NFKB1: variants seen among roughly 807,000 people sequenced by gnomAD.
NFKB1 encodes nuclear factor NF-kappa-B p105 subunit.
NFKB1 carries 9 observed loss-of-function variants against 105.1 expected under a neutral mutation model. That is an observed-to-expected ratio of 0.09 (90% confidence interval 0.05 to 0.15). NFKB1 has a LOEUF of 0.15. Among genes scored for constraint, NFKB1 ranks in the 10% least tolerant of loss-of-function variants. The probability of loss-of-function intolerance (pLI) is 1.00; values close to 1 mark genes in which losing one functional copy is unlikely to be tolerated. For missense variants in NFKB1, 830 were observed against 1,203.7 expected, an observed-to-expected ratio of 0.69 and a Z score of 4.59; for synonymous variants, 440 against 442.2, an observed-to-expected ratio of 1.00 and a Z score of 0.06.
chr4:102,536,698 C>A (rs377527440), intron 4 of NFKB1, among the ~76,000 whole-genome samples: 10 of 151,998 alleles, frequency 6.6e-5, no homozygotes, highest in African/African-American at 2.4e-4. Context: ...GGGAGTGAAC[C>A]CCCACCAGCA....
intron 11 of NFKB1, among the ~76,000 whole-genome samples, chr4:102,590,313 T>C (rs1726065667): frequency 6.6e-6 from 1 of 152,248 alleles, no homozygotes; most frequent in Non-Finnish European, 1.5e-5. Context: ...AAGTTCATTC[T>C]CCGGGTGCTC....
chr4:102,516,353 CT>C (rs1338648502), intron 1 of NFKB1, among the ~76,000 whole-genome samples: 1 of 151,826 alleles, frequency 6.6e-6, no homozygotes, highest in Non-Finnish European at 1.5e-5. Context: ...TTTTTTCTGT[CT>C]TTTTTCTGTT....
At chr4:102,567,682 G>A (rs1297094217) in intron 6 of NFKB1, among the ~76,000 whole-genome samples, 2 of 152,124 alleles carry the variant, frequency 1.3e-5, no homozygotes, top group Non-Finnish European at 2.9e-5. Context: ...CATTCATTAG[G>A]CTTGAAATGT....
chr4:102,601,780 T>C (rs1727167593), intron 16 of NFKB1, among the ~76,000 whole-genome samples: 1 of 152,188 alleles, frequency 6.6e-6, no homozygotes, highest in South Asian at 2.1e-4. Context: ...AGCCAGCCTT[T>C]CTGGCTGAGC....
Position 102,515,109 on chromosome 4 carries a change from T to TA in NFKB1, c.-7-10403_-7-10402insA, listed in dbSNP as rs1461917638. Reference sequence around the variant, plus strand: ...CATGTAATATTATTATTATTATTATTTTTTTTTTTTTTTTTTTTTGAGACG... The same window carrying TA: ...CATGTAATATTATTATTATTATTATTATTTTTTTTTTTTTTTTTTTGAGACG... On this transcript the variant is annotated intron_variant, in intron 1 of 23. Coordinates refer to ENST00000226574, the MANE Select transcript of NFKB1 (RefSeq NM_003998.4). Among the ~76,000 whole-genome samples, 474 of 91,568 alleles carry TA rather than the reference T, an allele frequency of 5.2e-3. 2 individuals are homozygous for TA. The highest frequency in any genetic ancestry group is 0.026 in the African/African-American group (437 of 16,768). The allele number at this position is 91,568 out of a possible 152,430, so 60.1% of individuals were successfully genotyped here. A position where few individuals can be genotyped will look rare whatever the true frequency, so the allele number is the denominator to read the frequency against.
At chr4:102,552,204 A>G (rs1441022558) in intron 5 of NFKB1, among the ~76,000 whole-genome samples, 1 of 152,204 alleles carries the variant, frequency 6.6e-6, no homozygotes, top group Non-Finnish European at 1.5e-5. Context: ...CAGAATGGTG[A>G]GAGAACTCAA....
chr4:102,547,758 A>G (rs920384289), intron 5 of NFKB1, among the ~76,000 whole-genome samples: 8 of 152,200 alleles, frequency 5.3e-5, no homozygotes, highest in Admixed American at 5.2e-4. Flanking sequence ...TCACCAGTCT[A>G]TTAATTTATT....
chr4:102,573,097 T>C (rs921573018), intron 6 of NFKB1, among the ~76,000 whole-genome samples: 1 of 151,982 alleles, frequency 6.6e-6, no homozygotes, highest in African/African-American at 2.4e-5. Context: ...TCACCTGAGG[T>C]CAGGAGTTCA....
rs374117917 is a variant in NFKB1 at position 102,567,159 on chromosome 4, T to C, written c.407+24T>C. On this transcript the variant is annotated intron_variant, in intron 6 of 23. Transcript: ENST00000226574. Reference sequence around the variant, plus strand: ...GGGTAAGTAGGGGTATATGATGCTGTGGAAGGTAGGAACAGATAGAATATG... The same window carrying C: ...GGGTAAGTAGGGGTATATGATGCTGCGGAAGGTAGGAACAGATAGAATATG... 8 of 1,609,812 alleles carry C rather than the reference T, an allele frequency of 5.0e-6. No individual in the cohort carries two copies. In the African/African-American group the frequency reaches 1.1e-4, roughly 21 times the overall value.
In NFKB1 at chr4:102,566,992, C is replaced by T. The variant is rs1443388408; in HGVS notation, c.264C>T (p.Cys88=). ...GGAATGTGCTTCTTATATAGATCTG[C>T]AACTATGTGGGACCAGCAAAGGTTA... ...NKKSYPQVKI[C]NYVGPAKVIV... is the part of the protein sequence containing the mutation. The change falls in exon 6 of 24, where the codon TGC becomes TGT. Residue 88 remains cysteine (C), a synonymous_variant. Coordinates refer to ENST00000226574, the MANE Select transcript of NFKB1 (RefSeq NM_003998.4). The T allele has an allele frequency of 1.9e-6, 3 of 1,613,700 alleles. No individual in the cohort carries two copies. The highest frequency in any genetic ancestry group is 4.5e-5 in the East Asian group (2 of 44,894).
At chr4:102,518,535 C>G (rs904764715) in intron 1 of NFKB1, among the ~76,000 whole-genome samples, 1 of 152,032 alleles carries the variant, frequency 6.6e-6, no homozygotes, top group Non-Finnish European at 1.5e-5. Flanking sequence ...ATTGTTTTTG[C>G]CTATTTGCCT....
At chr4:102,552,659 A>G (rs1488557408) in intron 5 of NFKB1, among the ~76,000 whole-genome samples, 1 of 152,210 alleles carries the variant, frequency 6.6e-6, no homozygotes, top group Non-Finnish European at 1.5e-5. Context: ...AATAATAGAA[A>G]TTAATAGCTT....
At chr4:102,574,884 C>A (rs890334031) in intron 6 of NFKB1, among the ~76,000 whole-genome samples, 12 of 152,114 alleles carry the variant, frequency 7.9e-5, no homozygotes, top group African/African-American at 2.9e-4. Flanking sequence ...GTTTTTCTCA[C>A]AGGGACTAGA....
chr4:102,505,821 A>G (rs1040021212), intron 1 of NFKB1, among the ~76,000 whole-genome samples: 1 of 152,216 alleles, frequency 6.6e-6, no homozygotes, highest in Non-Finnish European at 1.5e-5. Flanking sequence ...ACTTGTTGGT[A>G]CATAGTAAGC....
intron 1 of NFKB1, among the ~76,000 whole-genome samples, chr4:102,503,053 T>A (rs912387713): frequency 1.3e-5 from 2 of 152,252 alleles, no homozygotes; most frequent in Non-Finnish European, 2.9e-5. Context: ...GTTGTTTTTC[T>A]GATTTTAATA....
chr4:102,615,544 T>C (rs1728872627), intron 23 of NFKB1, among the ~76,000 whole-genome samples: 2 of 152,142 alleles, frequency 1.3e-5, no homozygotes, highest in African/African-American at 4.8e-5. Context: ...ATCTCCTGAG[T>C]CACAGCCCAG....
At chr4:102,523,269 T>C (rs1053427856) in intron 1 of NFKB1, among the ~76,000 whole-genome samples, 4 of 152,216 alleles carry the variant, frequency 2.6e-5, no homozygotes, top group African/African-American at 7.2e-5. Context: ...TTTGTTTAAT[T>C]GTGGCTGTCT....
intron 3 of NFKB1, among the ~76,000 whole-genome samples, chr4:102,531,266 T>C (rs1741273069): frequency 6.6e-6 from 1 of 152,202 alleles, no homozygotes; most frequent in Non-Finnish European, 1.5e-5. Flanking sequence ...CAGCTTTATG[T>C]TGTAGAAATT....
At position 102,585,853 on chromosome 4, in the gene NFKB1, TGAG is replaced by T. The variant is rs748670306; in HGVS notation, c.1066+1037_1066+1039del. 5.3e-4 allele frequency among the ~76,000 whole-genome samples: 81 copies of T among 152,224 alleles called. 1 individual carries two copies. Among genetic ancestry groups the T allele is most frequent in the African/African-American group, 5.3e-4 (22 of 41,534 alleles). Reference sequence around the variant, plus strand: ...GAGGGTTCTCTAGGTTTAAGTTACTTGAGGAGCTTAAAGAGAGAGGTAAACACA... The same window carrying T: ...GAGGGTTCTCTAGGTTTAAGTTACTTGAGCTTAAAGAGAGAGGTAAACACA... On this transcript the variant is annotated intron_variant, in intron 11 of 23. Coordinates refer to ENST00000226574, the MANE Select transcript of NFKB1 (RefSeq NM_003998.4).
Sources: gnomAD v4.1 joint callset for allele counts (sites outside exome capture counted in the v4.1 genomes callset) on GRCh38, gnomAD v4.1.1 for gene constraint, MANE v1.5 for transcripts, NCBI Gene and HGNC (gene_info 2026-07-23, HGNC 2026-07-21) for gene names.